Variants in SHANK2 observed in about 807,000 individuals in gnomAD.
SHANK2 encodes the protein SH3 and multiple ankyrin repeat domains protein 2.
A neutral mutation model predicts 133.7 loss-of-function variants in SHANK2; 43 were observed. The observed-to-expected ratio is 0.32, with a 90% CI of 0.25 to 0.41. SHANK2 has a LOEUF of 0.41. Among genes scored for constraint, SHANK2 ranks in the 10% least tolerant of loss-of-function variants. The pLI, the probability that SHANK2 is intolerant of heterozygous loss-of-function variation, is 1.00. For missense variants in SHANK2, 1,994 were observed against 2,235.8 expected, an observed-to-expected ratio of 0.89 and a Z score of 2.18; for synonymous variants, 1,017 against 952.8, an observed-to-expected ratio of 1.07 and a Z score of -1.24.
intron 11 of SHANK2, among the ~76,000 whole-genome samples, chr11:70,844,974 G>A (rs1160148731): frequency 6.6e-6 from 1 of 152,068 alleles, no homozygotes; most frequent in Non-Finnish European, 1.5e-5. Flanking sequence ...GCTGAGATGG[G>A]TGGATCACGA....
chr11:70,534,411 T>G (rs1554973811), intron 17 of SHANK2, among the ~76,000 whole-genome samples: 3 of 152,080 alleles, frequency 2.0e-5, no homozygotes, highest in Non-Finnish European at 1.5e-5. Flanking sequence ...CCACAACACA[T>G]GGGGATTATG....
Position 70,665,217 on chromosome 11 carries a change from T to C in SHANK2, c.1854-3539A>G, listed in dbSNP as rs567618305. On this transcript the variant is annotated intron_variant, in intron 15 of 25. Coordinates refer to ENST00000601538, the MANE Select transcript of SHANK2 (RefSeq NM_012309.5). Reference sequence around the variant, plus strand: ...GTGCAGTGGTGCCATCACAGCTCACTGTAAGTTTGAACCCCAGGCAGTACG... The same window carrying C: ...GTGCAGTGGTGCCATCACAGCTCACCGTAAGTTTGAACCCCAGGCAGTACG... 1.2e-4 allele frequency among the ~76,000 whole-genome samples: 19 copies of C among 152,338 alleles called. No homozygotes were observed. In the East Asian group the frequency reaches 3.7e-3, roughly 29 times the overall value.
chr11:70,941,072 A>C (rs1555084333), intron 10 of SHANK2, among the ~76,000 whole-genome samples: 2 of 152,198 alleles, frequency 1.3e-5, no homozygotes, highest in Non-Finnish European at 2.9e-5. Context: ...TTGGTGTCTG[A>C]TAGTCCCCAA....
In SHANK2 at chr11:70,625,810, G is replaced by GAAAAA. The variant is rs34147403; in HGVS notation, c.2061+34013_2061+34017dup. Reference sequence around the variant, plus strand: ...GCCTCTTGGATCTCTGTGCAAAAATGAAAAAAAAAAAAAAAAAAAAAAAAA... The same window carrying GAAAAA: ...GCCTCTTGGATCTCTGTGCAAAAATGAAAAAAAAAAAAAAAAAAAAAAAAAAAAAA... On this transcript the variant is annotated intron_variant, in intron 17 of 25. Transcript: ENST00000601538. 1.5e-3 allele frequency among the ~76,000 whole-genome samples: 63 copies of GAAAAA among 41,400 alleles called. 2 individuals are homozygous for GAAAAA. Among genetic ancestry groups the GAAAAA allele is most frequent in the Middle Eastern group, 0.029 (1 of 34 alleles). 27.2% of individuals were successfully genotyped at this position (41,400 alleles called of 152,430 possible). A position where few individuals can be genotyped will look rare whatever the true frequency, so the allele number is the denominator to read the frequency against.
rs1031626528 is a variant in SHANK2 at position 70,697,590 on chromosome 11, A to G, written c.1853+1098T>C. Among the ~76,000 whole-genome samples the G allele has an allele frequency of 5.3e-5, 8 of 152,256 alleles. No homozygotes were observed. In the East Asian group the frequency reaches 1.5e-3, roughly 29 times the overall value. Reference sequence around the variant, plus strand: ...CGTACTAACTGCCACCTTATTGTACACTTTAAAATGGTAAGTTTTAGGTTA... The same window carrying G: ...CGTACTAACTGCCACCTTATTGTACGCTTTAAAATGGTAAGTTTTAGGTTA... On this transcript the variant is annotated intron_variant, in intron 15 of 25. Coordinates refer to ENST00000601538, the MANE Select transcript of SHANK2 (RefSeq NM_012309.5).
intron 11 of SHANK2, 71 bp from the exon 12 acceptor site, chr11:70,820,753 G>T: frequency 1.7e-6 from 1 of 606,018 alleles, no homozygotes; most frequent in South Asian, 1.9e-5. Flanking sequence ...GGGACCCTAG[G>T]GAGGTGCAGG....
intron 14 of SHANK2, among the ~76,000 whole-genome samples, chr11:70,702,094 A>G (rs548019159): frequency 6.6e-6 from 1 of 151,004 alleles, no homozygotes; most frequent in South Asian, 2.1e-4. Flanking sequence ...CATCATCATC[A>G]CCATCTTCTT....
At chr11:70,688,151 C>T (rs1362287777) in intron 15 of SHANK2, among the ~76,000 whole-genome samples, 8 of 152,132 alleles carry the variant, frequency 5.3e-5, no homozygotes, top group African/African-American at 1.9e-4. Flanking sequence ...CTTACCCCAA[C>T]CTGAAGACCA....
At chr11:71,133,996 A>G (rs1205944422) in intron 3 of SHANK2, among the ~76,000 whole-genome samples, 5 of 148,020 alleles carry the variant, frequency 3.4e-5, no homozygotes, top group African/African-American at 1.3e-4. Flanking sequence ...GAGCCTTCTG[A>G]GTAGCTGGGA....
chr11:70,799,207 G>A lies in SHANK2; in HGVS notation c.1664-651C>T, dbSNP rs527358171. ...GAGGTCAGGAGTTCAAGACCAGCCTGGCCAACATAGCCAAACCGCGTCTCT... is the reference window on the plus strand; with the variant it reads ...GAGGTCAGGAGTTCAAGACCAGCCTAGCCAACATAGCCAAACCGCGTCTCT... On this transcript the variant is annotated intron_variant, in intron 13 of 25. Coordinates refer to ENST00000601538, the MANE Select transcript of SHANK2 (RefSeq NM_012309.5). Among the ~76,000 whole-genome samples the A allele has an allele frequency of 2.0e-4, 31 of 152,210 alleles. No homozygotes were observed. In the South Asian group the frequency reaches 3.3e-3, roughly 16 times the overall value.
At position 70,473,329 on chromosome 11, in the gene SHANK2, T is replaced by C. The variant is rs782538675; in HGVS notation, c.5090A>G (p.Tyr1697Cys). The C allele has an allele frequency of 3.2e-5, 51 of 1,613,400 alleles. No homozygotes were observed. In the Admixed American group the frequency reaches 8.3e-4, roughly 26 times the overall value. ...TCTTGTTCCTGAGGTCCTGCTTTCATAGTCGGGGGGCCGGCTCTGCAGGGT... is the reference window on the plus strand; with the variant it reads ...TCTTGTTCCTGAGGTCCTGCTTTCACAGTCGGGGGGCCGGCTCTGCAGGGT... ...PITLQSRPPD[Y>C]ESRTSGTRRA... is the part of the protein sequence containing the mutation. Residue 1697 changes from tyrosine (Y) to cysteine (C), a missense_variant, in exon 26 of 26, where the codon TAT becomes TGT. This residue lies in a region of SHANK2 where 797 missense variants were observed against 907.4 expected (regional missense o/e 0.88). Coordinates refer to ENST00000601538, the MANE Select transcript of SHANK2 (RefSeq NM_012309.5). This position sits in a 1 kb window ranked among gnomAD's most constrained non-coding sequence, Gnocchi z 5.9.
At chr11:70,898,837 T>C (rs1949981377) in intron 10 of SHANK2, among the ~76,000 whole-genome samples, 2 of 152,330 alleles carry the variant, frequency 1.3e-5, no homozygotes, top group African/African-American at 4.8e-5. Context: ...ACTGAGGGTA[T>C]GGCTGGAACA....
chr11:70,485,562 G>A lies in SHANK2; in HGVS notation c.4731C>T (p.Ile1577=), dbSNP rs782112612. Residue 1577 remains isoleucine (I), a synonymous_variant, in exon 25 of 26, where the codon ATC becomes ATT. Transcript: ENST00000601538. This position sits in a 1 kb window ranked among gnomAD's most constrained non-coding sequence, Gnocchi z 5.8. ...GCGGGGGCGGGGGAGCGGGCGGGGG[G>A]ATAACAAAGCTATCTACATCTTCTT... ...LVEEDVDSFV[I]PPPAPPPPPG... 6.2e-7 allele frequency: 1 copy of A among 1,613,280 alleles called. No individual in the cohort carries two copies. The highest frequency in any genetic ancestry group is 8.5e-7 in the Non-Finnish European group (1 of 1,180,018).
intron 17 of SHANK2, among the ~76,000 whole-genome samples, chr11:70,599,909 A>AAGAAAGAAAGAAAGAT (rs2060463251): frequency 1.1e-4 from 4 of 37,506 alleles, no homozygotes; most frequent in African/African-American, 4.7e-4. Flanking sequence ...AAGAAAGAGA[A>AAGAAAGAAAGAAAGAT]AGAAAGAAAG....
chr11:71,213,228 G>A (rs1954322406), intron 2 of SHANK2, among the ~76,000 whole-genome samples: 1 of 152,132 alleles, frequency 6.6e-6, no homozygotes, highest in Non-Finnish European at 1.5e-5. Context: ...GCACAGGGAG[G>A]CTCTCACAAC....
chr11:70,753,963 C>T (rs1281126481), intron 14 of SHANK2, among the ~76,000 whole-genome samples: 2 of 152,164 alleles, frequency 1.3e-5, no homozygotes, highest in African/African-American at 2.4e-5. Flanking sequence ...AGGCGTGCAC[C>T]ACCATGCCTG....
At chr11:70,818,222 G>A (rs189797852) in intron 12 of SHANK2, among the ~76,000 whole-genome samples, 57 of 152,138 alleles carry the variant, frequency 3.7e-4, no homozygotes, top group Non-Finnish European at 3.4e-4. Flanking sequence ...ACATGCACGC[G>A]CATGTCTACA....
chr11:70,476,941 A>C (rs1216027947), intron 25 of SHANK2, among the ~76,000 whole-genome samples: 2 of 152,230 alleles, frequency 1.3e-5, no homozygotes, highest in Admixed American at 1.3e-4. Context: ...TCTGGCCCAG[A>C]GGGTTGCCCC....
chr11:70,923,640 C>T (rs1555081061), intron 10 of SHANK2, among the ~76,000 whole-genome samples: 1 of 152,204 alleles, frequency 6.6e-6, no homozygotes, highest in East Asian at 1.9e-4. Flanking sequence ...ACTCCACCTC[C>T]CAGGCTCAAG....
Sources: gnomAD v4.1 joint callset for allele counts (sites outside exome capture counted in the v4.1 genomes callset) on GRCh38, gnomAD v4.1.1 for gene constraint, gnomAD v4.1.1 regional missense constraint, Gnocchi (gnomAD v3.1) non-coding constraint, MANE v1.5 for transcripts, NCBI Gene and HGNC (gene_info 2026-07-23, HGNC 2026-07-21) for gene names.